ATRX: variants seen among roughly 807,000 people sequenced by gnomAD.
The protein encoded by ATRX is ATRX chromatin remodeler.
Under a neutral mutation model 172.6 loss-of-function variants are expected in ATRX, and 12 were observed. The observed-to-expected ratio is 0.07, with a 90% CI of 0.04 to 0.11. The LOEUF (loss-of-function observed/expected upper bound fraction) is 0.11. Ranked by LOEUF, ATRX falls within the 10% of genes least tolerant of loss-of-function variation. The pLI is 1.00. For missense variants in ATRX, 1,368 were observed against 1,767.4 expected (o/e 0.77, Z 4.05); for synonymous variants, 674 against 594.7 (o/e 1.13, Z -1.94).
intron 1 of ATRX, among the ~76,000 whole-genome samples, chrX:77,723,953 C>G (rs1443721748): frequency 9.0e-6 from 1 of 111,341 alleles, no homozygotes; most frequent in African/African-American, 3.3e-5. Context: ...GTCCATCAAC[C>G]GCAGTACCAC....
At chrX:77,597,926 T>A (rs1557084817) in intron 25 of ATRX, among the ~76,000 whole-genome samples, 1 of 111,994 alleles carries the variant, frequency 8.9e-6, no homozygotes, top group Admixed American at 9.5e-5. Flanking sequence ...GACCCAGCAA[T>A]CTCATTACAA....
chrX:77,785,778 C>G (rs1288638458), intron 1 of ATRX: 1 of 74,843 alleles, frequency 1.3e-5, no homozygotes, highest in Non-Finnish European at 2.6e-5. Context: ...CCCCCCACCT[C>G]CCCCCACCCC....
At chrX:77,705,598 G>C (rs1251827898) in intron 2 of ATRX, among the ~76,000 whole-genome samples, 1 of 112,240 alleles carries the variant, frequency 8.9e-6, no homozygotes, top group Non-Finnish European at 1.9e-5. Flanking sequence ...TATGGACCAG[G>C]CATGGTGGCT....
rs182410269 is a variant in ATRX, at chrX:77,781,830, C to G, written c.20+4152G>C. Among the ~76,000 whole-genome samples the G allele has an allele frequency of 8.0e-5, 9 of 112,053 alleles. No individual in the cohort carries two copies. In the East Asian group the frequency reaches 2.5e-3, roughly 31 times the overall value. On this transcript the variant is annotated intron_variant, in intron 1 of 34. Transcript: ENST00000373344. ...AACATTCACGGTCTGGGGGAAAGCA[C>G]TTCATGTAAATTCAAGAATTGCCCG... is the stretch of plus-strand genomic sequence containing the variant.
intron 30 of ATRX, among the ~76,000 whole-genome samples, chrX:77,525,436 C>A (rs2063351356): frequency 8.9e-6 from 1 of 112,113 alleles, no homozygotes; most frequent in African/African-American, 3.2e-5. Context: ...CCAGATAACA[C>A]TGACTTAACA....
intron 19 of ATRX, among the ~76,000 whole-genome samples, chrX:77,627,468 G>A (rs2067918616): frequency 9.0e-6 from 1 of 110,717 alleles, no homozygotes; most frequent in Non-Finnish European, 1.9e-5. Flanking sequence ...GCTCACACCT[G>A]TAATGCCAGC....
At chrX:77,527,940 C>A (rs2063443940) in intron 30 of ATRX, among the ~76,000 whole-genome samples, 1 of 108,970 alleles carries the variant, frequency 9.2e-6, no homozygotes, top group African/African-American at 3.3e-5. Context: ...GATAAGGGGG[C>A]CAGACTGCTT....
rs1457051895 is a variant in ATRX at position 77,668,833 on chromosome X, CG to C, written c.3810-4056del. ...AACAACACAATGACAAACAAGCAAT[CG>C]GGGAAAAAAAAAAAAAAACATAGGA... On this transcript the variant is annotated intron_variant, in intron 10 of 34. Transcript: ENST00000373344. Among the ~76,000 whole-genome samples the C allele has an allele frequency of 5.9e-5, 6 of 101,862 alleles. No homozygotes were observed. The South Asian group carries it at 2.2e-3, about 38-fold the overall frequency. The allele number at this position is 101,862 out of a possible 115,157, so 88.5% of individuals were successfully genotyped here. A position where few individuals can be genotyped will look rare whatever the true frequency, so the allele number is the denominator to read the frequency against.
chrX:77,566,286 G>A (rs1206460632), intron 28 of ATRX, among the ~76,000 whole-genome samples: 1 of 111,573 alleles, frequency 9.0e-6, no homozygotes, highest in African/African-American at 3.3e-5. Context: ...TCTAAGGGGG[G>A]AAAAACAATT....
At chrX:77,671,167 A>AAAAAAAAATATAT (rs1424480831) in intron 10 of ATRX, among the ~76,000 whole-genome samples, 3 of 15,731 alleles carry the variant, frequency 1.9e-4, no homozygotes, top group African/African-American at 6.4e-4. Flanking sequence ...AAAAAAAAAA[A>AAAAAAAAATATAT]ATATATATAT....
intron 1 of ATRX, among the ~76,000 whole-genome samples, chrX:77,765,772 G>A (rs2075889380): frequency 9.3e-6 from 1 of 108,047 alleles, no homozygotes; most frequent in African/African-American, 3.4e-5. Context: ...GACAATAGTG[G>A]AGGGAAGGTC....
chrX:77,623,747 CACAT>C (rs1557101322), intron 19 of ATRX, among the ~76,000 whole-genome samples: 1 of 111,771 alleles, frequency 8.9e-6, no homozygotes, highest in African/African-American at 3.3e-5. Context: ...GATGGTTTAA[CACAT>C]ACAAGTAAAT....
At chrX:77,728,828 C>A (rs574721971) in intron 1 of ATRX, among the ~76,000 whole-genome samples, 2 of 102,554 alleles carry the variant, frequency 2.0e-5, no homozygotes, top group Admixed American at 1.1e-4. Context: ...GGTTCGATCT[C>A]GGCTCACTGC....
At chrX:77,652,432 G>C (rs1163858874) in intron 14 of ATRX, 79 bp from the exon 15 acceptor site, 1 of 1,016,846 alleles carries the variant, frequency 9.8e-7, no homozygotes, top group Non-Finnish European at 1.3e-6. Flanking sequence ...AATTAACACA[G>C]CAGGAAAAGG....
At chrX:77,697,463 T>C (rs2072247211) in intron 4 of ATRX, 120 bp downstream of exon 4, 3 of 630,435 alleles carry the variant, frequency 4.8e-6, no homozygotes, top group Non-Finnish European at 7.5e-6. Context: ...ATATGTATAT[T>C]TGTATAGAAT....
chrX:77,720,405 A>G (rs1232532925), intron 1 of ATRX, among the ~76,000 whole-genome samples: 2 of 111,587 alleles, frequency 1.8e-5, no homozygotes, highest in Non-Finnish European at 3.8e-5. Context: ...TTTTTTTGAG[A>G]AGATCAACAA....
intron 2 of ATRX, among the ~76,000 whole-genome samples, chrX:77,699,102 A>T (rs2072352878): frequency 9.0e-6 from 1 of 111,265 alleles, no homozygotes; most frequent in Non-Finnish European, 1.9e-5. Context: ...AGAAAAAAAA[A>T]ATCAATAAAA....
rs1064795918 is a variant in ATRX at position 77,684,363 on chromosome X, ATCT to A, written c.890_892del (p.Lys297del). On this transcript the variant is annotated inframe_deletion, in exon 9 of 35. Coordinates refer to ENST00000373344, the MANE Select transcript of ATRX (RefSeq NM_000489.6). ...ATTACTCTTTTCACTGTCAACTTTT[ATCT>A]TCTTCTTATTTTGCTGCAACAACTG... 2.5e-6 allele frequency: 3 copies of A among 1,209,891 alleles called. No individual in the cohort carries two copies. Among genetic ancestry groups the A allele is most frequent in the African/African-American group, 1.7e-5 (1 of 57,815 alleles).
intron 19 of ATRX, among the ~76,000 whole-genome samples, chrX:77,628,141 A>T (rs1333019815): frequency 2.7e-5 from 3 of 112,576 alleles, no homozygotes; most frequent in Non-Finnish European, 3.8e-5. Flanking sequence ...CTGTTAACTT[A>T]AGATGGTTCA....
Sources: gnomAD v4.1 joint callset for allele counts (sites outside exome capture counted in the v4.1 genomes callset) on GRCh38, gnomAD v4.1.1 for gene constraint, MANE v1.5 for transcripts, NCBI Gene and HGNC (gene_info 2026-07-23, HGNC 2026-07-21) for gene names.